The following SGSM1 variants were observed in gnomAD, a reference collection of about 807,000 sequenced individuals.
SGSM1 encodes the protein RUN and TBC1 domain containing 2.
In SGSM1, 73 loss-of-function variants were observed where a neutral mutation model predicts 133.8. The ratio of observed to expected loss-of-function variants is 0.55; its 90% CI spans 0.45 to 0.66. SGSM1 has a LOEUF of 0.66. Among genes scored for constraint, SGSM1 ranks in the 30% least tolerant of loss-of-function variants. SGSM1 has a pLI of 0.00. For missense variants in SGSM1, 1,213 were observed against 1,448.1 expected, an observed-to-expected ratio of 0.84 and a Z score of 2.64; for synonymous variants, 563 against 573.0, an observed-to-expected ratio of 0.98 and a Z score of 0.25.
At chr22:24,879,574 G>T in intron 14 of SGSM1, 48 bp downstream of exon 14, 1 of 1,571,474 alleles carries the variant, frequency 6.4e-7, no homozygotes, top group South Asian at 1.1e-5. Flanking sequence ...AGCAGCTATT[G>T]GTGCCTGCTG....
chr22:24,820,783 G>A (rs1405288024), intron 2 of SGSM1, among the ~76,000 whole-genome samples: 2 of 152,196 alleles, frequency 1.3e-5, no homozygotes, highest in African/African-American at 4.8e-5. Context: ...CTCTGTGCTG[G>A]GCATGGCGGA....
intron 21 of SGSM1, among the ~76,000 whole-genome samples, chr22:24,908,206 C>A (rs999182868): frequency 2.0e-5 from 3 of 152,092 alleles, no homozygotes; most frequent in South Asian, 2.1e-4. Flanking sequence ...ACACCACATA[C>A]AACAAACTAA....
intron 24 of SGSM1, among the ~76,000 whole-genome samples, chr22:24,922,179 C>CTTTTTTT (rs140795501): frequency 5.9e-4 from 63 of 106,856 alleles, no homozygotes; most frequent in African/African-American, 7.0e-4. Flanking sequence ...CACTTACTTT[C>CTTTTTTT]TTTTTTTTTT....
At chr22:24,922,479 CTTT>C (rs374456980) in intron 24 of SGSM1, among the ~76,000 whole-genome samples, 1 of 128,558 alleles carries the variant, frequency 7.8e-6, no homozygotes, top group Non-Finnish European at 1.6e-5. Flanking sequence ...TGTGCCCGGC[CTTT>C]TTTTTTTTTT....
At chr22:24,822,135 G>GGCTGGAGT (rs1490586278) in intron 2 of SGSM1, among the ~76,000 whole-genome samples, 3 of 126,092 alleles carry the variant, frequency 2.4e-5, no homozygotes, top group Non-Finnish European at 4.7e-5. Flanking sequence ...CTGTTGCCCA[G>GGCTGGAGT]GCTGGAGTGC....
intron 2 of SGSM1, among the ~76,000 whole-genome samples, chr22:24,815,551 G>GATA (rs1337440202): frequency 6.6e-6 from 1 of 152,154 alleles, no homozygotes; most frequent in African/African-American, 2.4e-5. Context: ...GACCATCCTG[G>GATA]ATAACATGGT....
intron 10 of SGSM1, 73 bp downstream of exon 10, chr22:24,867,233 T>G: frequency 7.0e-7 from 1 of 1,434,288 alleles, no homozygotes; most frequent in East Asian, 2.3e-5. Context: ...CCCTGCCTAT[T>G]CATTAGCATC....
At chr22:24,916,724 G>A (rs7292725) in intron 22 of SGSM1, among the ~76,000 whole-genome samples, 3 of 151,832 alleles carry the variant, frequency 2.0e-5, no homozygotes, top group Non-Finnish European at 4.4e-5. Context: ...TTTTTATTAC[G>A]AGATAATATT....
chr22:24,855,781 T>G (rs1327082232), intron 8 of SGSM1, 101 bp downstream of exon 8: 2 of 1,567,944 alleles, frequency 1.3e-6, no homozygotes, highest in East Asian at 2.3e-5. Flanking sequence ...CATTCATCCA[T>G]TTATGCACTC....
intron 2 of SGSM1, among the ~76,000 whole-genome samples, chr22:24,816,977 A>T (rs1928127843): frequency 6.6e-6 from 1 of 152,180 alleles, no homozygotes. Flanking sequence ...TGTGCCAGTC[A>T]CAGTGGGATG....
intron 14 of SGSM1, among the ~76,000 whole-genome samples, chr22:24,881,667 G>T (rs1006903984): frequency 1.1e-4 from 16 of 152,166 alleles, no homozygotes; most frequent in African/African-American, 3.9e-4. Context: ...CGTGTGTTGT[G>T]TAAGTGTTAG....
chr22:24,892,051 G>A (rs1429445922), intron 16 of SGSM1, among the ~76,000 whole-genome samples: 1 of 152,146 alleles, frequency 6.6e-6, no homozygotes, highest in African/African-American at 2.4e-5. Context: ...GCTAAGTGGT[G>A]CACGGTTCAG....
chr22:24,847,044 G>A (rs1049956754), intron 3 of SGSM1, among the ~76,000 whole-genome samples: 1 of 151,970 alleles, frequency 6.6e-6, no homozygotes. Flanking sequence ...GTTTCACTGT[G>A]TTAGCCAGGA....
chr22:24,827,194 C>T (rs1213771356), intron 2 of SGSM1, among the ~76,000 whole-genome samples: 3 of 151,934 alleles, frequency 2.0e-5, no homozygotes, highest in South Asian at 4.1e-4. Flanking sequence ...AGGTGGGCAG[C>T]GGAGGGTACC....
At chr22:24,861,572 C>T (rs1490062694) in intron 9 of SGSM1, among the ~76,000 whole-genome samples, 2 of 151,552 alleles carry the variant, frequency 1.3e-5, no homozygotes, top group African/African-American at 4.8e-5. Flanking sequence ...TTTTGAGACA[C>T]TGCCTCGCTC....
chr22:24,838,914 A>G (rs1379232462), intron 2 of SGSM1, among the ~76,000 whole-genome samples: 4 of 108,612 alleles, frequency 3.7e-5, no homozygotes, highest in African/African-American at 1.6e-4. Context: ...TTTAGGATAG[A>G]TATTTATGTT....
intron 2 of SGSM1, among the ~76,000 whole-genome samples, chr22:24,841,063 G>T (rs1473541518): frequency 6.6e-6 from 1 of 151,864 alleles, no homozygotes; most frequent in Non-Finnish European, 1.5e-5. Flanking sequence ...TGTTAGCCAA[G>T]ATGGTCTCGA....
In SGSM1 at chr22:24,877,802, C is replaced by CTTTTTT. The variant is rs36036968; in HGVS notation, c.1430+1108_1430+1113dup. 5.8e-3 allele frequency among the ~76,000 whole-genome samples: 440 copies of CTTTTTT among 75,406 alleles called. 17 individuals are homozygous for CTTTTTT. Among genetic ancestry groups the CTTTTTT allele is most frequent in the Admixed American group, 8.2e-3 (44 of 5,348 alleles). The allele number at this position is 75,406 out of a possible 152,430, so 49.5% of individuals were successfully genotyped here. A position where few individuals can be genotyped will look rare whatever the true frequency, so the allele number is the denominator to read the frequency against. The stretch of plus-strand genomic sequence containing the variant: ...TAATATTACTGGAGATTCTTTCTTT[C>CTTTTTT]TTTTTTTTTTTTTTTTTTTTTTTTT... On this transcript the variant is annotated intron_variant, in intron 13 of 24. Transcript: ENST00000400358.
intron 2 of SGSM1, among the ~76,000 whole-genome samples, chr22:24,818,354 A>G (rs952586890): frequency 1.3e-5 from 2 of 152,014 alleles, no homozygotes; most frequent in South Asian, 4.2e-4. Flanking sequence ...CCACTTTGGG[A>G]TTAGGATTCT....
Sources: gnomAD v4.1 joint callset for allele counts (sites outside exome capture counted in the v4.1 genomes callset) on GRCh38, gnomAD v4.1.1 for gene constraint, MANE v1.5 for transcripts, NCBI Gene and HGNC (gene_info 2026-07-23, HGNC 2026-07-21) for gene names.